TNNI3K: variants seen among roughly 807,000 people sequenced by gnomAD.
The protein encoded by TNNI3K is TNNI3 interacting kinase.
In TNNI3K, 140 loss-of-function variants were observed where a neutral mutation model predicts 114.5. The observed-to-expected ratio is 1.22, with a 90% confidence interval of 1.07 to 1.41. TNNI3K has a LOEUF of 1.41. TNNI3K is among the 40% of genes most tolerant of loss of function. TNNI3K has a pLI of 0.00. For missense variants in TNNI3K, 1,125 were observed against 1,007.6 expected (o/e 1.12, Z -1.58); for synonymous variants, 347 against 347.5 (o/e 1.00, Z 0.02).
chr1:74,379,297 C>T (rs966747483), intron 17 of TNNI3K, among the ~76,000 whole-genome samples: 4 of 150,624 alleles, frequency 2.7e-5, no homozygotes, highest in Admixed American at 2.0e-4. Flanking sequence ...TTGTCATAAT[C>T]TCATGCACTA....
At chr1:74,497,593 CACACACACATCT>C (rs1356333806) in intron 23 of TNNI3K, among the ~76,000 whole-genome samples, 1 of 150,200 alleles carries the variant, frequency 6.7e-6, no homozygotes, top group Non-Finnish European at 1.5e-5. Flanking sequence ...TACACATGCA[CACACACACATCT>C]ACACACACAT....
chr1:74,262,060 T>C (rs1655708855), intron 4 of TNNI3K, among the ~76,000 whole-genome samples: 1 of 148,784 alleles, frequency 6.7e-6, no homozygotes, highest in Non-Finnish European at 1.5e-5. Context: ...TTATCCTGAC[T>C]TTTTTTTTCC....
chr1:74,353,933 G>C (rs551133984), intron 10 of TNNI3K, 47 bp from the exon 11 acceptor site: 1 of 1,571,542 alleles, frequency 6.4e-7, no homozygotes, highest in South Asian at 1.2e-5. Flanking sequence ...TTGGGGAGCA[G>C]TTTTTCTTTT....
At chr1:74,296,044 G>C (rs1657959867) in intron 5 of TNNI3K, among the ~76,000 whole-genome samples, 1 of 152,124 alleles carries the variant, frequency 6.6e-6, no homozygotes, top group Admixed American at 6.6e-5. Flanking sequence ...GGGAGTCCAA[G>C]GCGGGCGGAT....
intron 17 of TNNI3K, among the ~76,000 whole-genome samples, chr1:74,389,290 A>C (rs1663641315): frequency 6.6e-6 from 1 of 152,200 alleles, no homozygotes; most frequent in South Asian, 2.1e-4. Context: ...AGTAAGGGTG[A>C]GAAGAAGAAA....
chr1:74,297,510 A>AGTGTGTGTGTGTGT (rs1163611745), intron 5 of TNNI3K, among the ~76,000 whole-genome samples: 1 of 101,172 alleles, frequency 9.9e-6, no homozygotes, highest in African/African-American at 4.0e-5. Context: ...CATCTTGTCC[A>AGTGTGTGTGTGTGT]GTGTGTGTGT....
intron 17 of TNNI3K, among the ~76,000 whole-genome samples, chr1:74,411,787 G>A (rs1004798906): frequency 6.6e-6 from 1 of 152,136 alleles, no homozygotes; most frequent in African/African-American, 2.4e-5. Context: ...AATGTTGGAG[G>A]AGTGAGCATT....
At chr1:74,542,234 A>G (rs934629556) in intron 24 of TNNI3K, among the ~76,000 whole-genome samples, 2 of 152,208 alleles carry the variant, frequency 1.3e-5, no homozygotes, top group African/African-American at 4.8e-5. Flanking sequence ...TATGTCCACA[A>G]TCAAATTTCC....
intron 17 of TNNI3K, among the ~76,000 whole-genome samples, chr1:74,415,778 T>C (rs1665089430): frequency 6.6e-6 from 1 of 151,990 alleles, no homozygotes; most frequent in South Asian, 2.1e-4. Flanking sequence ...TATATCCCGT[T>C]CTTGGTTTTA....
At chr1:74,452,646 CT>C (rs1381396000) in intron 20 of TNNI3K, among the ~76,000 whole-genome samples, 1 of 152,152 alleles carries the variant, frequency 6.6e-6, no homozygotes, top group Non-Finnish European at 1.5e-5. Context: ...CTAGATTTAG[CT>C]TTCTAAAAAT....
chr1:74,348,754 A>T (rs1384046031), intron 9 of TNNI3K, among the ~76,000 whole-genome samples: 151 of 151,654 alleles, frequency 1.0e-3, no homozygotes, highest in African/African-American at 3.4e-3. Context: ...TATTCTCTGA[A>T]GCATTTGTGA....
intron 9 of TNNI3K, among the ~76,000 whole-genome samples, chr1:74,347,103 ACTC>A (rs1306853411): frequency 6.7e-6 from 1 of 148,686 alleles, no homozygotes; most frequent in Non-Finnish European, 1.5e-5. Flanking sequence ...GCACCCATTA[ACTC>A]CTCATTTATC....
chr1:74,277,566 A>C (rs925029668), intron 5 of TNNI3K, among the ~76,000 whole-genome samples: 4 of 152,190 alleles, frequency 2.6e-5, no homozygotes, highest in African/African-American at 9.7e-5. Context: ...ATGTAGGTAT[A>C]TGAGCACACA....
intron 7 of TNNI3K, among the ~76,000 whole-genome samples, chr1:74,340,540 G>T (rs1028843148): frequency 6.6e-6 from 1 of 152,040 alleles, no homozygotes; most frequent in Non-Finnish European, 1.5e-5. Context: ...TCCTTCAGTT[G>T]GTATTTACAT....
intron 4 of TNNI3K, among the ~76,000 whole-genome samples, chr1:74,262,416 A>G (rs1035216969): frequency 1.3e-5 from 2 of 152,102 alleles, no homozygotes; most frequent in Non-Finnish European, 2.9e-5. Context: ...TTCAATATTC[A>G]TTAACTTAAA....
intron 5 of TNNI3K, among the ~76,000 whole-genome samples, chr1:74,311,379 T>G (rs1658987094): frequency 6.6e-6 from 1 of 152,154 alleles, no homozygotes; most frequent in Non-Finnish European, 1.5e-5. Flanking sequence ...TTAAAAATTA[T>G]TATCTCTAAT....
intron 23 of TNNI3K, among the ~76,000 whole-genome samples, chr1:74,526,221 G>A (rs1032842407): frequency 4.6e-5 from 7 of 152,240 alleles, no homozygotes; most frequent in Admixed American, 3.9e-4. Flanking sequence ...GCAGGGATGT[G>A]AATTCACACA....
At chr1:74,378,766 A>G (rs1663052631) in intron 17 of TNNI3K, 1 of 151,224 alleles carries the variant, frequency 6.6e-6, no homozygotes, top group Admixed American at 6.6e-5. Flanking sequence ...TGGTGGCACC[A>G]TATGAGGTCC....
intron 5 of TNNI3K, among the ~76,000 whole-genome samples, chr1:74,308,528 A>T (rs1246917888): frequency 6.6e-6 from 1 of 152,204 alleles, no homozygotes; most frequent in Non-Finnish European, 1.5e-5. Flanking sequence ...AGGAAACTTT[A>T]TACTGGTAAA....
Sources: gnomAD v4.1 joint callset for allele counts (sites outside exome capture counted in the v4.1 genomes callset) on GRCh38, gnomAD v4.1.1 for gene constraint, MANE v1.5 for transcripts, NCBI Gene and HGNC (gene_info 2026-07-23, HGNC 2026-07-21) for gene names.